The following MAML2 variants were observed in gnomAD, a reference collection of about 807,000 sequenced individuals.
MAML2 encodes the protein mastermind like transcriptional coactivator 2, also known as mastermind-like protein 2.
MAML2 carries 22 observed loss-of-function variants against 96.1 expected under a neutral mutation model. The ratio of observed to expected loss-of-function variants is 0.23; its 90% CI spans 0.16 to 0.33. The LOEUF is 0.33. Ranked by LOEUF, MAML2 falls within the 10% of genes least tolerant of loss-of-function variation. The pLI is 1.00. For synonymous variants in MAML2, 561 were observed against 521.3 expected (o/e 1.08, Z -1.04); for missense variants, 1,367 against 1,392.4 (o/e 0.98, Z 0.29).
chr11:96,012,221 G>C (rs1053746812), intron 2 of MAML2, among the ~76,000 whole-genome samples: 1 of 152,120 alleles, frequency 6.6e-6, no homozygotes, highest in Non-Finnish European at 1.5e-5. Flanking sequence ...AAGTTCATTC[G>C]ACTTGGGCAA....
intron 1 of MAML2, among the ~76,000 whole-genome samples, chr11:96,151,526 G>T (rs543411950): frequency 6.6e-6 from 1 of 152,296 alleles, no homozygotes; most frequent in Admixed American, 6.5e-5. Flanking sequence ...AGTATTGGAG[G>T]TGAGGCCTGG....
At chr11:96,131,808 G>A (rs984683211) in intron 1 of MAML2, among the ~76,000 whole-genome samples, 2 of 152,104 alleles carry the variant, frequency 1.3e-5, no homozygotes, top group African/African-American at 2.4e-5. Context: ...TCAGGCATTC[G>A]AGACCAGCCT....
rs142936370 is a variant in MAML2 at position 96,246,578 on chromosome 11, C to T, written c.513+94805G>A. ...TCTGAAAGCCATTTCAGGTACACTA[C>T]AGATTAAGTGCTCAATCTCTTTAGT... On this transcript the variant is annotated intron_variant, in intron 1 of 4. Coordinates refer to ENST00000524717, the MANE Select transcript of MAML2 (RefSeq NM_032427.4). Among the ~76,000 whole-genome samples, 4 of 152,240 alleles carry T rather than the reference C, an allele frequency of 2.6e-5. No homozygotes were observed. In the East Asian group the frequency reaches 7.7e-4, roughly 29 times the overall value.
intron 1 of MAML2, among the ~76,000 whole-genome samples, chr11:96,328,250 T>C (rs1188347695): frequency 6.6e-6 from 1 of 152,164 alleles, no homozygotes. Context: ...TTAATATTTT[T>C]AAAAAGAAAA....
At chr11:96,341,249 A>G (rs954806427) in intron 1 of MAML2, 134 bp downstream of exon 1, 18 of 1,008,396 alleles carry the variant, frequency 1.8e-5, no homozygotes, top group South Asian at 1.4e-4. Flanking sequence ...AACACACCCA[A>G]TGGCCTTTAA....
chr11:96,155,111 T>A (rs1229038023), intron 1 of MAML2, among the ~76,000 whole-genome samples: 1 of 152,136 alleles, frequency 6.6e-6, no homozygotes, highest in African/African-American at 2.4e-5. Context: ...TCTGCCTAAT[T>A]GGGGACTTCA....
At chr11:96,321,326 G>A (rs1863696758) in intron 1 of MAML2, among the ~76,000 whole-genome samples, 1 of 152,224 alleles carries the variant, frequency 6.6e-6, no homozygotes, top group African/African-American at 2.4e-5. Flanking sequence ...AGAGAAAGAT[G>A]TCAAAGTTCA....
chr11:96,340,964 A>G (rs558163138), intron 1 of MAML2, among the ~76,000 whole-genome samples: 2 of 152,308 alleles, frequency 1.3e-5, no homozygotes, highest in South Asian at 4.1e-4. Context: ...AGGCTTTAAT[A>G]AAGGCCAGCT....
At chr11:96,151,031 T>G (rs1466651151) in intron 1 of MAML2, among the ~76,000 whole-genome samples, 1 of 152,236 alleles carries the variant, frequency 6.6e-6, no homozygotes, top group African/African-American at 2.4e-5. Context: ...TGAAAAGCAT[T>G]GCTTTCAAGC....
In MAML2 at chr11:96,092,063, T is replaced by TTGCTGTTGTTGTTGCTGCTGCTGC. The variant is rs1859717484; in HGVS notation, c.1944_1967dup (p.Gln658_Gln665dup). The TTGCTGTTGTTGTTGCTGCTGCTGC allele has an allele frequency of 6.4e-7, 1 of 1,551,650 alleles. No homozygotes were observed. The highest frequency in any genetic ancestry group is 8.7e-7 in the Non-Finnish European group (1 of 1,147,246). ...GTTGCTGCTGCTGCTGCTGCTGTTGTTGCTGTTGTTGTTGCTGCTGCTGCT... is the reference window on the plus strand; with the variant it reads ...GTTGCTGCTGCTGCTGCTGCTGTTGTTGCTGTTGTTGTTGCTGCTGCTGCTGCTGTTGTTGTTGCTGCTGCTGCT... On this transcript the variant is annotated inframe_insertion, in exon 2 of 5. Transcript: ENST00000524717. This position sits in a 1 kb window ranked among gnomAD's most constrained non-coding sequence, Gnocchi z 4.1.
chr11:96,338,178 C>T (rs566216365), intron 1 of MAML2, among the ~76,000 whole-genome samples: 1 of 152,282 alleles, frequency 6.6e-6, no homozygotes, highest in East Asian at 1.9e-4. Context: ...TTCCATGGAC[C>T]AGCAATTATT....
In MAML2 at chr11:96,318,827, G is replaced by T. The variant is rs371388673; in HGVS notation, c.513+22556C>A. 2.6e-5 allele frequency among the ~76,000 whole-genome samples: 4 copies of T among 152,232 alleles called. No individual in the cohort carries two copies. In the South Asian group the frequency reaches 8.3e-4, roughly 32 times the overall value. On this transcript the variant is annotated intron_variant, in intron 1 of 4. Coordinates refer to ENST00000524717, the MANE Select transcript of MAML2 (RefSeq NM_032427.4). Reference sequence around the variant, plus strand: ...ATGGTCAAATTTTAAAATATTCAGTGGTATAACCTTCCTTAATTAACAACA... The same window carrying T: ...ATGGTCAAATTTTAAAATATTCAGTTGTATAACCTTCCTTAATTAACAACA...
At chr11:96,011,100 G>A (rs1858258319) in intron 2 of MAML2, among the ~76,000 whole-genome samples, 1 of 152,190 alleles carries the variant, frequency 6.6e-6, no homozygotes, top group African/African-American at 2.4e-5. Flanking sequence ...GCAGAGAAAA[G>A]GGAATGCTTA....
In MAML2 at chr11:96,342,497, A is replaced by T. The variant is rs117105528; in HGVS notation, c.-602T>A. On this transcript the variant is annotated 5_prime_UTR_variant, in exon 1 of 5. Transcript: ENST00000524717. ...ACAGTGCTGTTTCAGAAGATGTTTA[A>T]GTCACTGTTCAAAATGTGCAAAAAT... The T allele has an allele frequency of 8.2e-4, 328 of 398,588 alleles. 1 individual carries two copies. Among genetic ancestry groups the T allele is most frequent in the Non-Finnish European group, 1.2e-3 (269 of 226,062 alleles). 24.7% of individuals were successfully genotyped at this position (398,588 alleles called of 1,614,324 possible).
chr11:96,186,937 T>C (rs186715818), intron 1 of MAML2, among the ~76,000 whole-genome samples: 1 of 152,348 alleles, frequency 6.6e-6, no homozygotes, highest in African/African-American at 2.4e-5. Context: ...TGGTAAATGA[T>C]ACTGAATTCA....
chr11:96,191,665 G>C (rs1050998935), intron 1 of MAML2, among the ~76,000 whole-genome samples: 2 of 150,528 alleles, frequency 1.3e-5, no homozygotes, highest in Admixed American at 6.6e-5. Context: ...TCAGCTACTC[G>C]GGAAGCTGAG....
chr11:96,319,987 C>A (rs1197577128), intron 1 of MAML2, among the ~76,000 whole-genome samples: 1 of 152,136 alleles, frequency 6.6e-6, no homozygotes, highest in Non-Finnish European at 1.5e-5. Flanking sequence ...GCATCTCATT[C>A]AAAAAATCAT....
chr11:96,214,339 G>T (rs525068), intron 1 of MAML2, among the ~76,000 whole-genome samples: 129,077 of 152,242 alleles, frequency 0.85, 55,035 homozygotes, highest in African/African-American at 0.93. Context: ...CGTCCTCTTA[G>T]AGCTCTGTAG....
intron 1 of MAML2, among the ~76,000 whole-genome samples, chr11:96,292,264 G>A (rs1262999750): frequency 6.6e-6 from 1 of 152,080 alleles, no homozygotes; most frequent in Non-Finnish European, 1.5e-5. Context: ...TAACATTTTA[G>A]CATTATATGA....
Sources: gnomAD v4.1 joint callset for allele counts (sites outside exome capture counted in the v4.1 genomes callset) on GRCh38, gnomAD v4.1.1 for gene constraint, Gnocchi (gnomAD v3.1) non-coding constraint, MANE v1.5 for transcripts, NCBI Gene and HGNC (gene_info 2026-07-23, HGNC 2026-07-21) for gene names.